PCDH7: variants seen among roughly 807,000 people sequenced by gnomAD.
The protein encoded by PCDH7 is protocadherin 7, also known as protocadherin-7.
A neutral mutation model predicts 58.9 loss-of-function variants in PCDH7; 17 were observed. The ratio of observed to expected loss-of-function variants is 0.29; its 90% confidence interval spans 0.20 to 0.43. The LOEUF (loss-of-function observed/expected upper bound fraction) is 0.43, where lower values mean the gene tolerates loss of function less well. Among genes scored for constraint, PCDH7 ranks in the 20% least tolerant of loss-of-function variants. PCDH7 has a pLI of 1.00. For missense variants in PCDH7, 1,274 were observed against 1,441.0 expected (o/e 0.88, Z 1.88); for synonymous variants, 664 against 616.4 (o/e 1.08, Z -1.14).
Position 30,721,829 on chromosome 4 carries a change from T to A in PCDH7, c.407T>A (p.Ile136Asn). ...GAGGGTCAGGTCATCGTGCTTGACATCAACGACAACACGCCCACCTTCCCG... is the reference window on the plus strand; with the variant it reads ...GAGGGTCAGGTCATCGTGCTTGACAACAACGACAACACGCCCACCTTCCCG... The change falls in exon 1 of 2, where the codon ATC becomes AAC. Residue 136 changes from isoleucine (I) to asparagine (N), a missense_variant. Ile to Asn is a moderately radical substitution (Grantham distance 149). Coordinates refer to ENST00000361762, the Ensembl canonical transcript of PCDH7. This position sits in a 1 kb window ranked among gnomAD's most constrained non-coding sequence, Gnocchi z 6.7. The A allele has an allele frequency of 6.2e-7, 1 of 1,611,334 alleles. No individual in the cohort carries two copies. Among genetic ancestry groups the A allele is most frequent in the African/African-American group, 1.3e-5 (1 of 74,966 alleles).
intron 1 of PCDH7, among the ~76,000 whole-genome samples, chr4:30,759,980 C>T (rs911652939): frequency 1.3e-5 from 2 of 152,116 alleles, no homozygotes; most frequent in Non-Finnish European, 2.9e-5. Context: ...ATGAAACCCT[C>T]CTTTCAAAAT....
chr4:30,980,906 C>T (rs1234721127), intron 3 of PCDH7, among the ~76,000 whole-genome samples: 3 of 152,068 alleles, frequency 2.0e-5, no homozygotes, highest in South Asian at 2.1e-4. Flanking sequence ...TAGAGTGGTG[C>T]GATCTCAGCT....
At chr4:30,779,849 A>T (rs565778595) in intron 1 of PCDH7, among the ~76,000 whole-genome samples, 1 of 152,260 alleles carries the variant, frequency 6.6e-6, no homozygotes, top group South Asian at 2.1e-4. Context: ...CATGATTGCA[A>T]TTTTAGTGTC....
At chr4:30,920,159 C>T (rs1464378167) in exon 2 of PCDH7, 2 of 1,367,198 alleles carry the variant, frequency 1.5e-6, no homozygotes, top group South Asian at 1.1e-5. Flanking sequence ...GCAGCCATTT[C>T]GTAGAGTGAC....
At chr4:31,064,761 C>T (rs1442544045) in intron 3 of PCDH7, among the ~76,000 whole-genome samples, 8 of 152,052 alleles carry the variant, frequency 5.3e-5, no homozygotes, top group African/African-American at 1.7e-4. Flanking sequence ...CTAATTACCT[C>T]AGCAAAGTCC....
chr4:31,046,925 G>C (rs1756340592), intron 3 of PCDH7, among the ~76,000 whole-genome samples: 1 of 151,946 alleles, frequency 6.6e-6, no homozygotes, highest in Non-Finnish European at 1.5e-5. Flanking sequence ...AGTGCAAAGA[G>C]GGATTGTTTA....
chr4:30,793,543 G>A (rs9999382), intron 1 of PCDH7, among the ~76,000 whole-genome samples: 86,218 of 150,732 alleles, frequency 0.57, 25,383 homozygotes, highest in African/African-American at 0.73. Context: ...ATTAAAAAAA[G>A]AAAAAGAAAG....
intron 3 of PCDH7, among the ~76,000 whole-genome samples, chr4:31,040,391 G>A (rs1481439391): frequency 6.6e-6 from 1 of 151,996 alleles, no homozygotes; most frequent in African/African-American, 2.4e-5. Context: ...GGCTCCTTTT[G>A]CTCAATTAAA....
At chr4:30,724,352 T>C (rs753783717) in exon 1 of PCDH7, 1 of 1,614,066 alleles carries the variant, frequency 6.2e-7, no homozygotes, top group Admixed American at 1.7e-5. Flanking sequence ...AGCCCAAGCA[T>C]GGGGCGATAC....
chr4:30,960,502 G>C (rs1021491955), intron 3 of PCDH7, among the ~76,000 whole-genome samples: 4 of 152,228 alleles, frequency 2.6e-5, no homozygotes, highest in Admixed American at 6.5e-5. Context: ...ATCATCTAGA[G>C]AACTCTTACA....
chr4:31,143,111 C>T (rs567027635), downstream of PCDH7: 62 of 126,446 alleles, frequency 4.9e-4, no homozygotes, highest in Non-Finnish European at 8.7e-4. Flanking sequence ...CCACCCCTCT[C>T]CAAAAAAAAA....
intron 1 of PCDH7, among the ~76,000 whole-genome samples, chr4:30,842,435 C>T (rs999915159): frequency 1.3e-5 from 2 of 152,036 alleles, no homozygotes; most frequent in Non-Finnish European, 2.9e-5. Context: ...TTGGCAGTCT[C>T]ATGGAACTGG....
chr4:31,061,484 A>G (rs2109238325), intron 3 of PCDH7, among the ~76,000 whole-genome samples: 1 of 151,700 alleles, frequency 6.6e-6, no homozygotes, highest in African/African-American at 2.4e-5. Flanking sequence ...TAAGACTATT[A>G]CTATCAGAAA....
chr4:30,934,095 T>C (rs538839078), intron 2 of PCDH7, among the ~76,000 whole-genome samples: 3 of 152,368 alleles, frequency 2.0e-5, no homozygotes, highest in Admixed American at 6.5e-5. Context: ...GAGGCATTTC[T>C]AGTTTCCTGG....
intron 3 of PCDH7, among the ~76,000 whole-genome samples, chr4:30,951,237 A>G (rs1261275741): frequency 6.6e-6 from 1 of 152,174 alleles, no homozygotes; most frequent in Non-Finnish European, 1.5e-5. Flanking sequence ...AACAAAGCAA[A>G]CCATTTCAAT....
chr4:30,877,888 T>C (rs1414586975), intron 1 of PCDH7, among the ~76,000 whole-genome samples: 32 of 152,124 alleles, frequency 2.1e-4, no homozygotes. Flanking sequence ...GATAGTTATT[T>C]GTTATTTTTC....
chr4:30,781,627 C>G (rs1420215872), intron 1 of PCDH7, among the ~76,000 whole-genome samples: 1 of 151,364 alleles, frequency 6.6e-6, no homozygotes. Flanking sequence ...ACCTCCACCT[C>G]CTGGGTTCAA....
chr4:30,849,395 C>T (rs890437728), intron 1 of PCDH7, among the ~76,000 whole-genome samples: 2 of 152,112 alleles, frequency 1.3e-5, no homozygotes, highest in African/African-American at 2.4e-5. Context: ...GGCAGACTGA[C>T]CTTTCAGGGC....
At chr4:30,989,130 A>G (rs1409940504) in intron 3 of PCDH7, among the ~76,000 whole-genome samples, 1 of 150,752 alleles carries the variant, frequency 6.6e-6, no homozygotes, top group East Asian at 2.0e-4. Flanking sequence ...AACTTTTTGG[A>G]CAGAATCAAA....
Sources: allele counts gnomAD v4.1 joint callset (sites outside exome capture counted in the v4.1 genomes callset), GRCh38; gene constraint gnomAD v4.1.1; non-coding constraint Gnocchi (gnomAD v3.1); transcripts MANE v1.5; gene names NCBI Gene and HGNC (gene_info 2026-07-23, HGNC 2026-07-21).